ATXN7L1: variants seen among roughly 807,000 people sequenced by gnomAD.
The protein encoded by ATXN7L1 is ataxin-7-like protein 1.
In ATXN7L1, 15 loss-of-function variants were observed where a neutral mutation model predicts 70.8. The observed-to-expected ratio is 0.21, with a 90% CI of 0.14 to 0.33. The LOEUF (loss-of-function observed/expected upper bound fraction) is 0.33, where lower values mean the gene tolerates loss of function less well. Among genes scored for constraint, ATXN7L1 ranks in the 10% least tolerant of loss-of-function variants. ATXN7L1 has a pLI of 1.00. For missense variants in ATXN7L1, 975 were observed against 1,097.1 expected (o/e 0.89, Z 1.57); for synonymous variants, 440 against 445.1 (o/e 0.99, Z 0.14).
intron 11 of ATXN7L1, among the ~76,000 whole-genome samples, chr7:105,610,218 C>T (rs1410200228): frequency 6.6e-6 from 1 of 152,172 alleles, no homozygotes; most frequent in Non-Finnish European, 1.5e-5. Context: ...ATAGCTAACA[C>T]TTGTGGGTTT....
intron 2 of ATXN7L1, among the ~76,000 whole-genome samples, chr7:105,853,263 T>C (rs1563144925): frequency 1.3e-5 from 2 of 152,218 alleles, no homozygotes; most frequent in Non-Finnish European, 2.9e-5. Flanking sequence ...AAAAATTAAA[T>C]GTAGGCTACA....
At chr7:105,687,841 T>G (rs1312421331) in intron 3 of ATXN7L1, among the ~76,000 whole-genome samples, 1 of 152,122 alleles carries the variant, frequency 6.6e-6, no homozygotes, top group Non-Finnish European at 1.5e-5. Context: ...AGAAGAGCAT[T>G]CTTTCATGCA....
At chr7:105,676,609 G>A (rs998063203) in intron 3 of ATXN7L1, among the ~76,000 whole-genome samples, 6 of 152,166 alleles carry the variant, frequency 3.9e-5, no homozygotes, top group South Asian at 4.1e-4. Flanking sequence ...GGAGGCCGAG[G>A]TGGGTGGACC....
chr7:105,711,900 T>C (rs935512473), intron 3 of ATXN7L1, among the ~76,000 whole-genome samples: 1 of 152,362 alleles, frequency 6.6e-6, no homozygotes. Flanking sequence ...AGGTTCTCCT[T>C]GAGGGCTCCG....
Position 105,623,381 on chromosome 7 carries a change from C to G in ATXN7L1, c.1395+694G>C, listed in dbSNP as rs546016110. On this transcript the variant is annotated intron_variant, in intron 8 of 11. Transcript: ENST00000419735. ...GGCATTCCCTCCTCAAGTGCTCGTA[C>G]GCAAACAATAAACAAGCCTCCAGGG... Among the ~76,000 whole-genome samples, 3 of 152,274 alleles carry G rather than the reference C, an allele frequency of 2.0e-5. No homozygotes were observed. In the East Asian group the frequency reaches 5.8e-4, roughly 29 times the overall value.
chr7:105,854,926 A>G (rs1585160812), intron 2 of ATXN7L1, among the ~76,000 whole-genome samples: 1 of 151,168 alleles, frequency 6.6e-6, no homozygotes, highest in South Asian at 2.1e-4. Flanking sequence ...TGCTTTGAGT[A>G]TGGGTTGGGA....
intron 7 of ATXN7L1, among the ~76,000 whole-genome samples, chr7:105,629,718 A>G (rs1796305480): frequency 6.6e-6 from 1 of 151,798 alleles, no homozygotes; most frequent in Admixed American, 6.6e-5. Context: ...GGATTAAGCC[A>G]TGTTAACCAG....
intron 2 of ATXN7L1, among the ~76,000 whole-genome samples, chr7:105,869,183 T>A (rs939784278): frequency 2.0e-5 from 3 of 152,116 alleles, no homozygotes; most frequent in African/African-American, 7.2e-5. Context: ...ATCTCTCCCA[T>A]CCTTCCATCC....
chr7:105,690,016 ATTTTTGAGACGGAGTTTCGCTCTTG>A (rs1368710021), intron 3 of ATXN7L1, among the ~76,000 whole-genome samples: 5 of 151,978 alleles, frequency 3.3e-5, no homozygotes, highest in East Asian at 3.9e-4. Flanking sequence ...TTCTTTTTTT[ATTTTTGAGACGGAGTTTCGCTCTTG>A]TTGCCCAGGC....
intron 2 of ATXN7L1, among the ~76,000 whole-genome samples, chr7:105,822,381 T>A (rs1810290467): frequency 6.6e-6 from 1 of 152,208 alleles, no homozygotes; most frequent in Admixed American, 6.5e-5. Flanking sequence ...AGCTGCAGAA[T>A]TTGGGCTTGA....
chr7:105,663,710 T>C (rs960593587), intron 4 of ATXN7L1, among the ~76,000 whole-genome samples: 3 of 152,206 alleles, frequency 2.0e-5, no homozygotes, highest in Non-Finnish European at 4.4e-5. Flanking sequence ...ACAGGCAACC[T>C]TTTCTGACTT....
At chr7:105,813,633 G>A (rs1199701893) in intron 2 of ATXN7L1, among the ~76,000 whole-genome samples, 2 of 152,008 alleles carry the variant, frequency 1.3e-5, no homozygotes, top group South Asian at 2.1e-4. Context: ...CACTGTGCTC[G>A]GCCCACAATC....
chr7:105,659,470 A>G (rs905939676), intron 4 of ATXN7L1, among the ~76,000 whole-genome samples: 1 of 152,206 alleles, frequency 6.6e-6, no homozygotes, highest in Admixed American at 6.5e-5. Context: ...AAAGTGTCAC[A>G]TGTGAGGTAA....
chr7:105,801,164 G>T (rs768827701), intron 2 of ATXN7L1, among the ~76,000 whole-genome samples: 8 of 152,202 alleles, frequency 5.3e-5, no homozygotes, highest in Admixed American at 3.3e-4. Context: ...ATCAGATTTT[G>T]CATGGTGGGA....
intron 8 of ATXN7L1, among the ~76,000 whole-genome samples, chr7:105,623,798 G>A (rs188565064): frequency 1.9e-4 from 29 of 152,298 alleles, no homozygotes; most frequent in East Asian, 7.7e-4. Context: ...GCTTCAAAGC[G>A]GGCCATAAAT....
chr7:105,875,936 G>A, intron 1 of ATXN7L1, 56 bp from the exon 2 acceptor site: 3 of 1,511,508 alleles, frequency 2.0e-6, no homozygotes, highest in South Asian at 1.1e-5. Context: ...GGGGAAAAAA[G>A]CCAAAGTCAA....
intron 7 of ATXN7L1, among the ~76,000 whole-genome samples, chr7:105,625,408 G>T (rs1244365915): frequency 6.6e-6 from 1 of 152,064 alleles, no homozygotes; most frequent in South Asian, 2.1e-4. Context: ...ACACCACCAT[G>T]CCTGGCTAAT....
Position 105,657,048 on chromosome 7 carries a change from T to C in ATXN7L1, c.578+8018A>G, listed in dbSNP as rs180857751. ...CTATTTGGAAAGGGTGGCCCTAACC[T>C]GCTGTTAAATCTAATCTAAGGGCCA... On this transcript the variant is annotated intron_variant, in intron 4 of 11. Coordinates refer to ENST00000419735, the MANE Select transcript of ATXN7L1 (RefSeq NM_020725.2). 1.6e-4 allele frequency among the ~76,000 whole-genome samples: 24 copies of C among 152,292 alleles called. No homozygotes were observed. The East Asian group carries it at 4.6e-3, about 29-fold the overall frequency.
intron 4 of ATXN7L1, among the ~76,000 whole-genome samples, chr7:105,662,139 G>T (rs1801813124): frequency 7.6e-6 from 1 of 132,268 alleles, no homozygotes; most frequent in Admixed American, 8.6e-5. Context: ...GTCTTGCCCT[G>T]TTGCCCAGCC....
Sources: gnomAD v4.1 joint callset for allele counts (sites outside exome capture counted in the v4.1 genomes callset) on GRCh38, gnomAD v4.1.1 for gene constraint, MANE v1.5 for transcripts, NCBI Gene and HGNC (gene_info 2026-07-23, HGNC 2026-07-21) for gene names.